Variants in CISD1 observed in about 807,000 individuals in gnomAD.
CISD1 encodes the protein CDGSH iron-sulfur domain-containing protein 1.
CISD1 carries 8 observed loss-of-function variants against 12.0 expected under a neutral mutation model. That is an observed-to-expected ratio of 0.67 (90% CI 0.39 to 1.20). The LOEUF is 1.20. CISD1 is among the 50% of genes most tolerant of loss of function. CISD1 has a pLI of 0.01. For missense variants in CISD1, 107 were observed against 132.7 expected (o/e 0.81, Z 0.95); for synonymous variants, 38 against 42.2 (o/e 0.90, Z 0.39).
rs1839450406 is a variant in CISD1 at position 58,288,161 on chromosome 10, G to C, written c.*511G>C. 6.6e-6 allele frequency: 1 copy of C among 152,176 alleles called. No homozygotes were observed. The highest frequency in any genetic ancestry group is 2.1e-4 in the South Asian group (1 of 4,812). 9.4% of individuals were successfully genotyped at this position (152,176 alleles called of 1,614,324 possible). A position where few individuals can be genotyped will look rare whatever the true frequency, so the allele number is the denominator to read the frequency against. On this transcript the variant is annotated 3_prime_UTR_variant, in exon 3 of 3. Coordinates refer to ENST00000333926, the MANE Select transcript of CISD1 (RefSeq NM_018464.5). ...ATTGGTAATGACACTGAGAAAATAT[G>C]GCTTCTGTTTTTCACCGTTTTCAAT...
chr10:58,276,574 G>C (rs1588980762), intron 1 of CISD1, among the ~76,000 whole-genome samples: 1 of 151,664 alleles, frequency 6.6e-6, no homozygotes, highest in Admixed American at 6.6e-5. Context: ...TTGTTTATCT[G>C]TTTCTTTGGG....
intron 2 of CISD1, among the ~76,000 whole-genome samples, chr10:58,284,019 A>C (rs1022375865): frequency 6.6e-6 from 1 of 152,204 alleles, no homozygotes; most frequent in African/African-American, 2.4e-5. Context: ...AAAGTTAATA[A>C]AATTCTCATA....
chr10:58,284,290 T>C (rs541029438), intron 2 of CISD1, among the ~76,000 whole-genome samples: 2 of 151,966 alleles, frequency 1.3e-5, no homozygotes, highest in South Asian at 4.1e-4. Flanking sequence ...AAGCTGCGAT[T>C]GCACCACTGT....
intron 1 of CISD1, among the ~76,000 whole-genome samples, chr10:58,272,225 TAA>T (rs11435069): frequency 7.8e-5 from 11 of 140,624 alleles, no homozygotes; most frequent in Middle Eastern, 3.4e-3. Flanking sequence ...CCCTCATCTT[TAA>T]AAAAAAAAAA....
chr10:58,269,179 G>T lies in CISD1; in HGVS notation c.-95G>T. On this transcript the variant is annotated 5_prime_UTR_variant, in exon 1 of 3. Transcript: ENST00000333926. ...TGCGCGGTAGCATCGCGGAGTCGGTGCTTTAGTACGCCGCTGGCACCTTTA... is the reference window on the plus strand; with the variant it reads ...TGCGCGGTAGCATCGCGGAGTCGGTTCTTTAGTACGCCGCTGGCACCTTTA... 7.4e-7 allele frequency: 1 copy of T among 1,355,544 alleles called. No individual in the cohort carries two copies. The highest frequency in any genetic ancestry group is 1.4e-5 in the African/African-American group (1 of 70,224). The allele number at this position is 1,355,544 out of a possible 1,614,324, so 84.0% of individuals were successfully genotyped here.
At chr10:58,269,410 A>G in intron 1 of CISD1, 106 bp downstream of exon 1, 1 of 1,055,502 alleles carries the variant, frequency 9.5e-7, no homozygotes, top group Admixed American at 2.1e-5. Context: ...CGCCGGTCCT[A>G]TAACCTTGAG....
chr10:58,277,129 C>T lies in CISD1; in HGVS notation c.44C>T (p.Ala15Val). ...TTCCCTGCTCTAGTTGAATGGATCGCAGCAGTTACCATTGCTGCTGGGACA... is the reference window on the plus strand; with the variant it reads ...TTCCCTGCTCTAGTTGAATGGATCGTAGCAGTTACCATTGCTGCTGGGACA... ...SSSSVRVEWI[A>V]AVTIAAGTAA... is the part of the protein sequence containing the mutation. Residue 15 changes from alanine (A) to valine (V), a missense_variant, in exon 2 of 3, where the codon GCA becomes GTA. Coordinates refer to ENST00000333926, the MANE Select transcript of CISD1 (RefSeq NM_018464.5). 2 of 1,605,174 alleles carry T rather than the reference C, an allele frequency of 1.2e-6. No homozygotes were observed. The highest frequency in any genetic ancestry group is 2.7e-5 in the African/African-American group (2 of 74,572).
At chr10:58,272,127 T>A (rs1216690806) in intron 1 of CISD1, among the ~76,000 whole-genome samples, 1 of 152,120 alleles carries the variant, frequency 6.6e-6, no homozygotes, top group Admixed American at 6.5e-5. Context: ...TTTCTTTTGC[T>A]TAAATCTTTG....
intron 2 of CISD1, among the ~76,000 whole-genome samples, chr10:58,279,846 A>G (rs1203976714): frequency 6.6e-6 from 1 of 152,216 alleles, no homozygotes; most frequent in East Asian, 1.9e-4. Context: ...AAATTACACC[A>G]TGAGGCTGGG....
intron 1 of CISD1, 113 bp downstream of exon 1, chr10:58,269,417 T>C: frequency 2.0e-6 from 2 of 976,054 alleles, no homozygotes; most frequent in Non-Finnish European, 3.1e-6. Context: ...CCTATAACCT[T>C]GAGATGCAGA....
At chr10:58,282,533 C>G (rs183740854) in intron 2 of CISD1, among the ~76,000 whole-genome samples, 62 of 152,334 alleles carry the variant, frequency 4.1e-4, no homozygotes, top group African/African-American at 1.4e-3. Flanking sequence ...TGTACATGCT[C>G]AGTACCCATA....
At chr10:58,269,409 T>C in intron 1 of CISD1, 105 bp downstream of exon 1, 1 of 1,060,526 alleles carries the variant, frequency 9.4e-7, no homozygotes, top group Non-Finnish European at 1.4e-6. Flanking sequence ...CCGCCGGTCC[T>C]ATAACCTTGA....
chr10:58,281,959 C>CT (rs200269339), intron 2 of CISD1, among the ~76,000 whole-genome samples: 5,916 of 143,660 alleles, frequency 0.041, 174 homozygotes, highest in East Asian at 0.15. Context: ...ATTGGCTTGG[C>CT]TTTTTTTTTT....
intron 1 of CISD1, 113 bp downstream of exon 1, chr10:58,269,417 T>A: frequency 1.0e-6 from 1 of 976,052 alleles, no homozygotes; most frequent in Non-Finnish European, 1.5e-6. Context: ...CCTATAACCT[T>A]GAGATGCAGA....
At chr10:58,285,634 A>G (rs1839420497) in intron 2 of CISD1, among the ~76,000 whole-genome samples, 1 of 152,248 alleles carries the variant, frequency 6.6e-6, no homozygotes. Flanking sequence ...AAAATTACTG[A>G]TAATTATTCC....
intron 1 of CISD1, among the ~76,000 whole-genome samples, chr10:58,273,674 A>G (rs1434101564): frequency 2.6e-5 from 4 of 152,238 alleles, no homozygotes. Context: ...TGGAAGAATA[A>G]GCAAATGGGA....
At chr10:58,285,109 A>C (rs951968285) in intron 2 of CISD1, among the ~76,000 whole-genome samples, 1 of 152,192 alleles carries the variant, frequency 6.6e-6, no homozygotes, top group Non-Finnish European at 1.5e-5. Context: ...CTTGTTTCTA[A>C]TATGAATATA....
chr10:58,286,675 G>T (rs1839433525), intron 2 of CISD1, among the ~76,000 whole-genome samples: 2 of 152,164 alleles, frequency 1.3e-5, no homozygotes, highest in Non-Finnish European at 2.9e-5. Context: ...AAAACACTAT[G>T]TTAGAAATTT....
rs1442176356 is a variant in CISD1 at position 58,288,130 on chromosome 10, CT to C, written c.*482del. ...AAAGACCTGTTGTAGCCTTGATTTT[CT>C]TGACATTGGTAATGACACTGAGAAA... On this transcript the variant is annotated 3_prime_UTR_variant, in exon 3 of 3. Coordinates refer to ENST00000333926, the MANE Select transcript of CISD1 (RefSeq NM_018464.5). 1 of 152,276 alleles carries C rather than the reference CT, an allele frequency of 6.6e-6. No homozygotes were observed. Among genetic ancestry groups the C allele is most frequent in the Non-Finnish European group, 1.5e-5 (1 of 68,048 alleles). The allele number at this position is 152,276 out of a possible 1,614,324, so 9.4% of individuals were successfully genotyped here. A position where few individuals can be genotyped will look rare whatever the true frequency, so the allele number is the denominator to read the frequency against.
Sources: allele counts gnomAD v4.1 joint callset (sites outside exome capture counted in the v4.1 genomes callset), GRCh38; gene constraint gnomAD v4.1.1; transcripts MANE v1.5; gene names NCBI Gene and HGNC (gene_info 2026-07-23, HGNC 2026-07-21).